TAFA4: variants seen among roughly 807,000 people sequenced by gnomAD.
TAFA4 encodes the protein TAFA chemokine like family member 4.
TAFA4 carries 20 observed loss-of-function variants against 21.1 expected under a neutral mutation model. The observed-to-expected ratio is 0.95, with a 90% confidence interval of 0.67 to 1.38. TAFA4 has a LOEUF of 1.38. TAFA4 is among the 40% of genes most tolerant of loss of function. TAFA4 has a pLI of 0.00. For synonymous variants in TAFA4, 71 were observed against 67.4 expected (o/e 1.05, Z -0.26); for missense variants, 211 against 180.9 (o/e 1.17, Z -0.95).
At chr3:68,808,655 A>G (rs1203147087) in intron 3 of TAFA4, among the ~76,000 whole-genome samples, 1 of 152,196 alleles carries the variant, frequency 6.6e-6, no homozygotes, top group Non-Finnish European at 1.5e-5. Flanking sequence ...TTTATGGTTC[A>G]GTTCAATTTC....
intron 3 of TAFA4, among the ~76,000 whole-genome samples, chr3:68,763,315 C>T (rs35508315): frequency 0.47 from 71,235 of 151,904 alleles, 17,091 homozygotes; most frequent in African/African-American, 0.53. Context: ...ATTATTTCCC[C>T]TGAAAAGCCA....
At chr3:68,921,720 G>A (rs890699381) in intron 1 of TAFA4, among the ~76,000 whole-genome samples, 1 of 152,200 alleles carries the variant, frequency 6.6e-6, no homozygotes, top group African/African-American at 2.4e-5. Flanking sequence ...CGGAATTCCT[G>A]TATGTCACCT....
At chr3:68,750,322 C>T (rs1395398156) in intron 4 of TAFA4, among the ~76,000 whole-genome samples, 1 of 152,110 alleles carries the variant, frequency 6.6e-6, no homozygotes, top group Admixed American at 6.6e-5. Context: ...AGACGAATGG[C>T]TAAATAATTA....
intron 3 of TAFA4, among the ~76,000 whole-genome samples, chr3:68,833,152 T>C (rs1488165032): frequency 1.3e-5 from 2 of 152,210 alleles, no homozygotes; most frequent in African/African-American, 2.4e-5. Context: ...CCCAACCCTT[T>C]GCACCTGGGT....
intron 3 of TAFA4, among the ~76,000 whole-genome samples, chr3:68,815,143 C>T (rs568599952): frequency 2.6e-5 from 4 of 152,304 alleles, no homozygotes; most frequent in Non-Finnish European, 4.4e-5. Context: ...CCCTTCCTTA[C>T]ATCTTATATA....
chr3:68,903,275 G>A (rs1197878774), intron 1 of TAFA4, among the ~76,000 whole-genome samples: 1 of 151,964 alleles, frequency 6.6e-6, no homozygotes, highest in Non-Finnish European at 1.5e-5. Context: ...TCCTTGCACA[G>A]AATCAGGGGT....
chr3:68,814,696 C>G (rs1451193963), intron 3 of TAFA4, among the ~76,000 whole-genome samples: 3 of 152,164 alleles, frequency 2.0e-5, no homozygotes, highest in African/African-American at 7.2e-5. Flanking sequence ...ATTCCATGCT[C>G]ATGGGTAGGA....
chr3:68,919,114 T>G (rs1376227427), intron 1 of TAFA4, among the ~76,000 whole-genome samples: 2 of 152,122 alleles, frequency 1.3e-5, no homozygotes, highest in East Asian at 3.9e-4. Flanking sequence ...AAACAATTTT[T>G]AAAAAACATC....
At chr3:68,836,447 G>C (rs1334808822) in intron 3 of TAFA4, among the ~76,000 whole-genome samples, 1 of 152,158 alleles carries the variant, frequency 6.6e-6, no homozygotes, top group Non-Finnish European at 1.5e-5. Context: ...CTGTGTGTAG[G>C]AAAGTCTGGC....
intron 3 of TAFA4, among the ~76,000 whole-genome samples, chr3:68,867,706 T>C (rs2089435987): frequency 1.3e-5 from 2 of 152,074 alleles, no homozygotes; most frequent in Non-Finnish European, 2.9e-5. Flanking sequence ...GAAGTTAAAG[T>C]GCAGGGTTTT....
In TAFA4 at chr3:68,822,642, T is replaced by C. The variant is rs577972593; in HGVS notation, c.130+58088A>G. ...GAGTGCCACCATGCCCAGTTAATTT[T>C]TGTCTTTTGTAGAGATGGAGTTTAA... On this transcript the variant is annotated intron_variant, in intron 3 of 5. Transcript: ENST00000295569. 1.8e-3 allele frequency among the ~76,000 whole-genome samples: 272 copies of C among 152,208 alleles called. 2 individuals are homozygous for C. Among genetic ancestry groups the C allele is most frequent in the African/African-American group, 6.3e-3 (262 of 41,522 alleles).
At chr3:68,853,292 T>C (rs1052185093) in intron 3 of TAFA4, among the ~76,000 whole-genome samples, 1 of 152,196 alleles carries the variant, frequency 6.6e-6, no homozygotes, top group Non-Finnish European at 1.5e-5. Flanking sequence ...TTAATAGACA[T>C]GAGTCAGTTG....
chr3:68,774,692 C>T (rs1703019399), intron 3 of TAFA4, among the ~76,000 whole-genome samples: 1 of 152,068 alleles, frequency 6.6e-6, no homozygotes, highest in African/African-American at 2.4e-5. Context: ...CCAGGTGAAT[C>T]AAGAATTTTA....
intron 3 of TAFA4, among the ~76,000 whole-genome samples, chr3:68,867,791 A>T (rs904575801): frequency 6.6e-6 from 1 of 152,116 alleles, no homozygotes; most frequent in African/African-American, 2.4e-5. Flanking sequence ...TATCTATAAG[A>T]AGTTTTCTGT....
intron 3 of TAFA4, among the ~76,000 whole-genome samples, chr3:68,758,235 T>C (rs12633144): frequency 0.045 from 6,821 of 152,250 alleles, 387 homozygotes; most frequent in East Asian, 0.25. Flanking sequence ...GTTTGTGTGA[T>C]TCCATACAGT....
intron 3 of TAFA4, among the ~76,000 whole-genome samples, chr3:68,783,151 AC>A (rs1394147487): frequency 6.6e-6 from 1 of 152,356 alleles, no homozygotes; most frequent in East Asian, 1.9e-4. Context: ...AAAGGCACAT[AC>A]AGAAAACCTA....
intron 1 of TAFA4, among the ~76,000 whole-genome samples, chr3:68,887,734 T>C (rs2089687433): frequency 6.6e-6 from 1 of 152,042 alleles, no homozygotes; most frequent in South Asian, 2.1e-4. Context: ...TTGGGGAGAA[T>C]TCCAAGGCTG....
intron 3 of TAFA4, among the ~76,000 whole-genome samples, chr3:68,759,881 CAGATGGGGGGT>C (rs1238126496): frequency 6.6e-6 from 1 of 152,052 alleles, no homozygotes; most frequent in Non-Finnish European, 1.5e-5. Flanking sequence ...TCTGGGTGGG[CAGATGGGGGGT>C]AGATGGGTAG....
intron 5 of TAFA4, among the ~76,000 whole-genome samples, chr3:68,735,632 A>G (rs1333426848): frequency 1.3e-5 from 2 of 152,118 alleles, no homozygotes; most frequent in Non-Finnish European, 2.9e-5. Context: ...CCTAAGGGAC[A>G]GGCAGATTAG....
Sources: gnomAD v4.1 joint callset for allele counts (sites outside exome capture counted in the v4.1 genomes callset) on GRCh38, gnomAD v4.1.1 for gene constraint, MANE v1.5 for transcripts, NCBI Gene and HGNC (gene_info 2026-07-23, HGNC 2026-07-21) for gene names.